RTN1: variants seen among roughly 807,000 people sequenced by gnomAD.
RTN1 encodes reticulon-1.
A neutral mutation model predicts 65.5 loss-of-function variants in RTN1; 25 were observed. That is an observed-to-expected ratio of 0.38 (90% confidence interval 0.28 to 0.53). The LOEUF (loss-of-function observed/expected upper bound fraction) is 0.53. Among genes scored for constraint, RTN1 ranks in the 20% least tolerant of loss-of-function variants. The pLI is 0.79. For synonymous variants in RTN1, 471 were observed against 447.6 expected (o/e 1.05, Z -0.66); for missense variants, 983 against 1,025.4 (o/e 0.96, Z 0.57).
intron 1 of RTN1, among the ~76,000 whole-genome samples, chr14:59,758,264 T>G (rs1251383505): frequency 6.6e-6 from 1 of 152,136 alleles, no homozygotes; most frequent in East Asian, 1.9e-4. Context: ...CTTCTCACTC[T>G]GCACTACTCT....
intron 3 of RTN1, among the ~76,000 whole-genome samples, chr14:59,705,747 C>T (rs1884277949): frequency 6.6e-6 from 1 of 152,186 alleles, no homozygotes; most frequent in Admixed American, 6.5e-5. Context: ...CTTTATTACA[C>T]CTATTTGTTT....
intron 1 of RTN1, among the ~76,000 whole-genome samples, chr14:59,750,737 G>C (rs1198386479): frequency 1.2e-5 from 1 of 83,610 alleles, no homozygotes; most frequent in Non-Finnish European, 2.1e-5. Context: ...TTTTGAGACA[G>C]AGTCTTGCTC....
chr14:59,766,489 T>C lies in RTN1; in HGVS notation c.242-20008A>G, dbSNP rs548370111. ...ACCTGTAAGTTGGTAAGGTAGCTGC[T>C]CTTATATCTGGGGAAGAAACTAGGG... On this transcript the variant is annotated intron_variant, in intron 1 of 8. Transcript: ENST00000267484. The surrounding 1 kb of genome is among the most constrained non-coding windows in gnomAD (Gnocchi z 4.4). Among the ~76,000 whole-genome samples the C allele has an allele frequency of 1.3e-5, 2 of 152,294 alleles. No homozygotes were observed. Among genetic ancestry groups the C allele is most frequent in the East Asian group, 3.9e-4 (2 of 5,180 alleles).
intron 3 of RTN1, among the ~76,000 whole-genome samples, chr14:59,647,457 A>G (rs1227235649): frequency 1.3e-5 from 2 of 152,232 alleles, no homozygotes; most frequent in African/African-American, 4.8e-5. Context: ...GATCTGATAG[A>G]TCTCCACAGA....
chr14:59,736,455 C>T (rs1228212163), intron 2 of RTN1, among the ~76,000 whole-genome samples: 1 of 152,098 alleles, frequency 6.6e-6, no homozygotes, highest in Admixed American at 6.5e-5. Flanking sequence ...GAGACATACA[C>T]CCTGCAAAGA....
intron 3 of RTN1, among the ~76,000 whole-genome samples, chr14:59,650,246 G>C (rs1192694799): frequency 6.6e-6 from 1 of 152,178 alleles, no homozygotes; most frequent in Non-Finnish European, 1.5e-5. Flanking sequence ...ACCAGGGCCT[G>C]TCAGATGTGC....
At chr14:59,708,165 T>C (rs1461841259) in intron 3 of RTN1, among the ~76,000 whole-genome samples, 1 of 152,210 alleles carries the variant, frequency 6.6e-6, no homozygotes, top group Non-Finnish European at 1.5e-5. Context: ...AATATGTTAA[T>C]ATTATTCAAG....
chr14:59,607,458 C>A lies in RTN1; in HGVS notation c.1800G>T (p.Gln600His), dbSNP rs1881796369. 3 of 1,606,978 alleles carry A rather than the reference C, an allele frequency of 1.9e-6. No homozygotes were observed. In the African/African-American group the frequency reaches 4.0e-5, roughly 21 times the overall value. The change falls in exon 4 of 9, where the codon CAG becomes CAT. Residue 600 changes from glutamine to histidine, a missense_variant. By Grantham distance (24) the Gln-to-His change is conservative. Coordinates refer to ENST00000267484, the MANE Select transcript of RTN1 (RefSeq NM_021136.3). ...GGAAACTCCCAAACACGATGCCCGT[C>A]TGCTTGATGTCCCGCCAATACAACA... ...IDLLYWRDIK[Q>H]TGIVFGSFLL...
chr14:59,869,260 C>G (rs1048143712), intron 1 of RTN1, among the ~76,000 whole-genome samples: 1 of 151,992 alleles, frequency 6.6e-6, no homozygotes, highest in African/African-American at 2.4e-5. Flanking sequence ...AATCAACCAC[C>G]AAGAGCACAC....
chr14:59,681,504 A>G (rs1883744741), intron 3 of RTN1, among the ~76,000 whole-genome samples: 1 of 152,068 alleles, frequency 6.6e-6, no homozygotes, highest in African/African-American at 2.4e-5. Flanking sequence ...CAAACCACAC[A>G]CTGCAGTAGG....
Position 59,596,743 on chromosome 14 carries a change from G to A in RTN1, c.*2C>T, listed in dbSNP as rs758703826. ...GTGTCCAGTCCCCGGTGGGAAATCA[G>A]TTTACTCAGCATGCCTCTTAGCGCC... On this transcript the variant is annotated 3_prime_UTR_variant, in exon 9 of 9. Coordinates refer to ENST00000267484, the MANE Select transcript of RTN1 (RefSeq NM_021136.3). The A allele has an allele frequency of 3.1e-6, 5 of 1,609,414 alleles. No homozygotes were observed. The African/African-American group carries it at 6.7e-5, about 21-fold the overall frequency.
intron 3 of RTN1, among the ~76,000 whole-genome samples, chr14:59,642,192 G>A (rs930859925): frequency 2.6e-5 from 4 of 152,036 alleles, no homozygotes; most frequent in Non-Finnish European, 5.9e-5. Flanking sequence ...AATAATTTCA[G>A]TTGAAAGGTC....
At chr14:59,670,527 T>TA (rs1416644263) in intron 3 of RTN1, among the ~76,000 whole-genome samples, 1 of 152,214 alleles carries the variant, frequency 6.6e-6, no homozygotes, top group African/African-American at 2.4e-5. Flanking sequence ...AAGATGGTTT[T>TA]AAAAAGTCTT....
chr14:59,652,240 A>C (rs1175810542), intron 3 of RTN1, among the ~76,000 whole-genome samples: 2 of 152,236 alleles, frequency 1.3e-5, no homozygotes, highest in East Asian at 3.8e-4. Flanking sequence ...GTGGAAGTGT[A>C]AATTAGTTCA....
chr14:59,771,896 A>G (rs185482689), intron 1 of RTN1, among the ~76,000 whole-genome samples: 1 of 152,370 alleles, frequency 6.6e-6, no homozygotes, highest in African/African-American at 2.4e-5. Context: ...TTATTAGACA[A>G]TTAGATACGC....
intron 3 of RTN1, among the ~76,000 whole-genome samples, chr14:59,673,984 TGTGA>T (rs1403528738): frequency 6.6e-6 from 1 of 152,238 alleles, no homozygotes; most frequent in East Asian, 1.9e-4. Context: ...ATGGTATTTG[TGTGA>T]GTGTCTATTA....
chr14:59,679,522 G>A (rs1883700714), intron 3 of RTN1, among the ~76,000 whole-genome samples: 1 of 152,160 alleles, frequency 6.6e-6, no homozygotes, highest in African/African-American at 2.4e-5. Context: ...ACTAGTCATA[G>A]GTACCTTTTA....
intron 1 of RTN1, among the ~76,000 whole-genome samples, chr14:59,832,225 C>G (rs1192835997): frequency 6.6e-6 from 1 of 152,106 alleles, no homozygotes; most frequent in Non-Finnish European, 1.5e-5. Context: ...GTATGATAAA[C>G]AAATAACCAA....
At chr14:59,678,465 C>A (rs1164999277) in intron 3 of RTN1, among the ~76,000 whole-genome samples, 1 of 152,170 alleles carries the variant, frequency 6.6e-6, no homozygotes, top group East Asian at 1.9e-4. Context: ...TATCTACAGA[C>A]AACTCTTACT....
Sources: gnomAD v4.1 joint callset for allele counts (sites outside exome capture counted in the v4.1 genomes callset) on GRCh38, gnomAD v4.1.1 for gene constraint, Gnocchi (gnomAD v3.1) non-coding constraint, MANE v1.5 for transcripts, NCBI Gene and HGNC (gene_info 2026-07-23, HGNC 2026-07-21) for gene names.